Variants in RIMBP2 observed in about 807,000 individuals in gnomAD.
RIMBP2 encodes the protein RIMS-binding protein 2.
In RIMBP2, 48 loss-of-function variants were observed where a neutral mutation model predicts 118.6. The observed-to-expected ratio is 0.40, with a 90% CI of 0.32 to 0.51. RIMBP2 has a LOEUF of 0.51. Ranked by LOEUF, RIMBP2 falls within the 20% of genes least tolerant of loss-of-function variation. The pLI, the probability that RIMBP2 is intolerant of heterozygous loss-of-function variation, is 0.41. For missense variants in RIMBP2, 1,551 were observed against 1,768.3 expected (o/e 0.88, Z 2.20); for synonymous variants, 762 against 742.9 (o/e 1.03, Z -0.42).
Position 130,424,591 on chromosome 12 carries a change from CG to C in RIMBP2, c.2679del (p.Val894SerfsTer71). On this transcript the variant is annotated frameshift_variant, in exon 16 of 23. Transcript: ENST00000690449. LOFTEE classifies it high-confidence loss of function. The surrounding 1 kb of genome is among the most constrained non-coding windows in gnomAD (Gnocchi z 9.8). ...AGAAGGAAGTCCTCCACGTGGGGGA[CG>C]GCCCCCGAGCCCCTGTGCTTCACCG... Reference protein sequence around the residue: ...WFPVKHRGSGAVPHVEDFLLE... With the variant: ...WFPVKHRGSGXVPHVEDFLLE... 1 of 1,231,958 alleles carries C rather than the reference CG, an allele frequency of 8.1e-7. No homozygotes were observed. The highest frequency in any genetic ancestry group is 1.0e-6 in the Non-Finnish European group (1 of 987,852). 76.3% of individuals were successfully genotyped at this position (1,231,958 alleles called of 1,614,324 possible).
chr12:130,574,696 G>A (rs908410326), intron 2 of RIMBP2, among the ~76,000 whole-genome samples: 17 of 152,044 alleles, frequency 1.1e-4, no homozygotes, highest in African/African-American at 4.1e-4. Flanking sequence ...CTTTTCTCAA[G>A]GACTCCAGAG....
At chr12:130,639,182 G>A (rs1225547045) in intron 1 of RIMBP2, among the ~76,000 whole-genome samples, 1 of 150,724 alleles carries the variant, frequency 6.6e-6, no homozygotes, top group Non-Finnish European at 1.5e-5. Flanking sequence ...GAGGTCAGGA[G>A]TTCGAGACCA....
intron 11 of RIMBP2, among the ~76,000 whole-genome samples, chr12:130,441,203 C>T (rs2078093297): frequency 6.6e-6 from 1 of 151,932 alleles, no homozygotes; most frequent in African/African-American, 2.4e-5. Context: ...GAGTTTGAGA[C>T]GAGCCTGACC....
chr12:130,442,244 G>A lies in RIMBP2; in HGVS notation c.1108C>T (p.Leu370Phe). The change falls in exon 11 of 23, where the codon CTC becomes TTC. Residue 370 changes from leucine (L) to phenylalanine (F), a missense_variant. Leu to Phe is a conservative substitution (Grantham distance 22). This residue lies in a region of RIMBP2 where 265 missense variants were observed against 349.5 expected (regional missense o/e 0.76). Coordinates refer to ENST00000690449, the MANE Select transcript of RIMBP2 (RefSeq NM_001393629.1). This position sits in a 1 kb window ranked among gnomAD's most constrained non-coding sequence, Gnocchi z 6.9. ...NLTLGSRTKA[L>F]IEKLNMAACT... ...GCTGCCATGTTGAGCTTCTCGATGAGGGCTTTAGTTCTGCTCCCCAGCGTG... is the reference window on the plus strand; with the variant it reads ...GCTGCCATGTTGAGCTTCTCGATGAAGGCTTTAGTTCTGCTCCCCAGCGTG... The A allele has an allele frequency of 6.2e-7, 1 of 1,614,192 alleles. No homozygotes were observed. The highest frequency in any genetic ancestry group is 8.5e-7 in the Non-Finnish European group (1 of 1,180,046).
At chr12:130,512,794 GC>G (rs2051053989) in intron 3 of RIMBP2, among the ~76,000 whole-genome samples, 3 of 152,218 alleles carry the variant, frequency 2.0e-5, no homozygotes, top group African/African-American at 7.2e-5. Flanking sequence ...CAGGTTAGGA[GC>G]CCAGACGATT....
intron 2 of RIMBP2, among the ~76,000 whole-genome samples, chr12:130,614,090 G>A (rs900353908): frequency 1.3e-5 from 2 of 152,234 alleles, no homozygotes; most frequent in African/African-American, 4.8e-5. Context: ...TGTCTCACCT[G>A]ATGCAACAGG....
At chr12:130,556,724 C>T (rs1394998037) in intron 2 of RIMBP2, among the ~76,000 whole-genome samples, 1 of 152,184 alleles carries the variant, frequency 6.6e-6, no homozygotes, top group African/African-American at 2.4e-5. Context: ...AAGATGGTGC[C>T]ATCACCATTG....
At chr12:130,463,386 G>A (rs773763557) in intron 6 of RIMBP2, among the ~76,000 whole-genome samples, 13 of 152,168 alleles carry the variant, frequency 8.5e-5, no homozygotes, top group Non-Finnish European at 1.5e-4. Flanking sequence ...AGGAACAGAT[G>A]GCAGAGTCAT....
intron 2 of RIMBP2, among the ~76,000 whole-genome samples, chr12:130,606,194 A>G (rs73156963): frequency 0.13 from 19,411 of 152,222 alleles, 1,515 homozygotes; most frequent in Non-Finnish European, 0.19. Context: ...ATAAAAAAAG[A>G]TTGGCCCTGC....
Position 130,450,847 on chromosome 12 carries a change from C to T in RIMBP2, c.504+348G>A, listed in dbSNP as rs1465559938. Among the ~76,000 whole-genome samples, 1 of 152,140 alleles carries T rather than the reference C, an allele frequency of 6.6e-6. No individual in the cohort carries two copies. Among genetic ancestry groups the T allele is most frequent in the East Asian group, 1.9e-4 (1 of 5,168 alleles). ...CCCATCAATGCCACAGGACAGGACGCGCAGGGCCCTCCCCAACCTCCACAG... is the reference window on the plus strand; with the variant it reads ...CCCATCAATGCCACAGGACAGGACGTGCAGGGCCCTCCCCAACCTCCACAG... On this transcript the variant is annotated intron_variant, in intron 8 of 22. Coordinates refer to ENST00000690449, the MANE Select transcript of RIMBP2 (RefSeq NM_001393629.1). The surrounding 1 kb of genome is among the most constrained non-coding windows in gnomAD (Gnocchi z 4.8).
chr12:130,526,135 C>T (rs1205804599), intron 2 of RIMBP2, among the ~76,000 whole-genome samples: 2 of 152,140 alleles, frequency 1.3e-5, no homozygotes, highest in Non-Finnish European at 2.9e-5. Context: ...TCTTCCCTTG[C>T]ACTAGAGACT....
At chr12:130,590,918 G>A (rs7978710) in intron 2 of RIMBP2, among the ~76,000 whole-genome samples, 18,880 of 152,196 alleles carry the variant, frequency 0.12, 1,545 homozygotes, top group East Asian at 0.36. Flanking sequence ...TGAGGAAGCG[G>A]ATTGTCGCCC....
At chr12:130,655,071 C>T (rs182887109) in intron 1 of RIMBP2, among the ~76,000 whole-genome samples, 12 of 152,310 alleles carry the variant, frequency 7.9e-5, no homozygotes, top group Admixed American at 5.9e-4. Context: ...GGGAGACACA[C>T]ATCCAAACCA....
At chr12:130,565,773 G>T (rs936927455) in intron 2 of RIMBP2, among the ~76,000 whole-genome samples, 4 of 152,180 alleles carry the variant, frequency 2.6e-5, no homozygotes. Context: ...GCAGCACAAA[G>T]GGTGATATGA....
chr12:130,559,300 C>T (rs992971428), intron 2 of RIMBP2, among the ~76,000 whole-genome samples: 2 of 152,178 alleles, frequency 1.3e-5, no homozygotes, highest in Non-Finnish European at 1.5e-5. Flanking sequence ...CTTCCAACAA[C>T]AGCTCCCCAC....
In RIMBP2 at chr12:130,703,187, G is replaced by T. The variant is rs545002757; in HGVS notation, c.-352+13035C>A. ...AAAGTGGTCCGGCCTCCTAGCATGG[G>T]GGCAGCCAATTAACCAGGAGAGTCA... On this transcript the variant is annotated intron_variant, in intron 1 of 22. Coordinates refer to ENST00000690449, the MANE Select transcript of RIMBP2 (RefSeq NM_001393629.1). The surrounding 1 kb of genome is among the most constrained non-coding windows in gnomAD (Gnocchi z 5.7). Among the ~76,000 whole-genome samples the T allele has an allele frequency of 2.6e-5, 4 of 152,170 alleles. No homozygotes were observed. The highest frequency in any genetic ancestry group is 4.2e-4 in the South Asian group (2 of 4,818).
chr12:130,405,084 A>G (rs2075032455), intron 21 of RIMBP2, among the ~76,000 whole-genome samples: 1 of 152,222 alleles, frequency 6.6e-6, no homozygotes, highest in South Asian at 2.1e-4. Flanking sequence ...AAACAAAATG[A>G]GGTGATTATT....
intron 2 of RIMBP2, among the ~76,000 whole-genome samples, chr12:130,544,765 A>AT (rs1422062573): frequency 1.5e-4 from 23 of 151,596 alleles, no homozygotes; most frequent in Admixed American, 7.9e-4. Context: ...ACACCCCGCT[A>AT]TTTTTTTAGT....
intron 2 of RIMBP2, among the ~76,000 whole-genome samples, chr12:130,605,231 A>AGTGGAGG (rs2060114869): frequency 6.6e-6 from 1 of 152,184 alleles, no homozygotes; most frequent in South Asian, 2.1e-4. Context: ...TGCTTCTGGG[A>AGTGGAGG]GTGGAGGGTG....
Sources: gnomAD v4.1 joint callset for allele counts (sites outside exome capture counted in the v4.1 genomes callset) on GRCh38, gnomAD v4.1.1 for gene constraint, gnomAD v4.1.1 regional missense constraint, Gnocchi (gnomAD v3.1) non-coding constraint, MANE v1.5 for transcripts, NCBI Gene and HGNC (gene_info 2026-07-23, HGNC 2026-07-21) for gene names.